Variants in GAK observed in about 807,000 individuals in gnomAD.
GAK encodes cyclin-G-associated kinase.
A neutral mutation model predicts 143.9 loss-of-function variants in GAK; 79 were observed. That is an observed-to-expected ratio of 0.55 (90% CI 0.46 to 0.66). GAK has a LOEUF of 0.66. Ranked by LOEUF, GAK falls within the 30% of genes least tolerant of loss-of-function variation. The pLI is 0.00. For synonymous variants in GAK, 881 were observed against 765.5 expected (o/e 1.15, Z -2.49); for missense variants, 1,693 against 1,779.7 (o/e 0.95, Z 0.88).
intron 23 of GAK, among the ~76,000 whole-genome samples, chr4:861,584 G>A (rs1750284440): frequency 6.6e-6 from 1 of 152,086 alleles, no homozygotes; most frequent in Non-Finnish European, 1.5e-5. Flanking sequence ...GCAAGACCCT[G>A]TCTCTAAAAA....
At position 881,927 on chromosome 4, in the gene GAK, G is replaced by A. The variant is rs1377870694; in HGVS notation, c.1641C>T (p.Gly547=). 2 of 1,591,796 alleles carry A rather than the reference G, an allele frequency of 1.3e-6. No individual in the cohort carries two copies. ...AGTACCTTTTGTGGGATGGCCAGAT[G>A]CCTGGTGGGCAGCGCTTCATGCTGA... ...YMFSMKRCPP[G]IWPSHKRYIE... Residue 547 remains glycine, a synonymous_variant, in exon 15 of 28, where the codon GGC becomes GGT. Coordinates refer to ENST00000314167, the MANE Select transcript of GAK (RefSeq NM_005255.4).
At position 893,871 on chromosome 4, in the gene GAK, T is replaced by TA; in HGVS notation, c.877+2dup. 1 of 1,580,988 alleles carries TA rather than the reference T, an allele frequency of 6.3e-7. No homozygotes were observed. The highest frequency in any genetic ancestry group is 8.6e-7 in the Non-Finnish European group (1 of 1,160,850). ...CCCACGCACGCATTCCACCGGGACT[T>TA]ACGGATGAGGCTGTGGAAGACCGTG... On this transcript the variant is annotated splice_region_variant and intron_variant, in intron 8 of 27. Transcript: ENST00000314167.
In GAK at chr4:931,389, C is replaced by T. The variant is rs112511690; in HGVS notation, c.145+654G>A. Among the ~76,000 whole-genome samples the T allele has an allele frequency of 1.0e-3, 155 of 152,184 alleles. 1 individual carries two copies. Among genetic ancestry groups the T allele is most frequent in the African/African-American group, 3.5e-3 (146 of 41,508 alleles). ...GGTGTTGAAAGACGAAGGGGGATCACGAGACACAGCCCAGTCTACCCTCGG... is the reference window on the plus strand; with the variant it reads ...GGTGTTGAAAGACGAAGGGGGATCATGAGACACAGCCCAGTCTACCCTCGG... On this transcript the variant is annotated intron_variant, in intron 1 of 27. Coordinates refer to ENST00000314167, the MANE Select transcript of GAK (RefSeq NM_005255.4).
At chr4:900,868 G>A (rs1005317637) in intron 5 of GAK, among the ~76,000 whole-genome samples, 16 of 152,096 alleles carry the variant, frequency 1.1e-4, no homozygotes, top group African/African-American at 3.6e-4. Context: ...AGGGCCTGGG[G>A]CATGGCTCAG....
chr4:868,710 G>A (rs1203491658), intron 19 of GAK, 25 bp from the exon 20 acceptor site: 1 of 1,542,968 alleles, frequency 6.5e-7, no homozygotes, highest in East Asian at 2.4e-5. Context: ...GGGCGTCAGG[G>A]CACTGGCACT....
chr4:900,909 C>T (rs1400365661), intron 5 of GAK, among the ~76,000 whole-genome samples: 6 of 151,910 alleles, frequency 3.9e-5, no homozygotes, highest in African/African-American at 1.2e-4. Flanking sequence ...GCCATGGGAG[C>T]GAAAGGGCCT....
rs75160334 is a variant in GAK at position 921,687 on chromosome 4, GT to G, written c.146-8020del. Among the ~76,000 whole-genome samples, 360 of 143,720 alleles carry G rather than the reference GT, an allele frequency of 2.5e-3. 12 individuals are homozygous for G. The South Asian group carries it at 0.063, about 25-fold the overall frequency. The allele number at this position is 143,720 out of a possible 152,430, so 94.3% of individuals were successfully genotyped here. A position where few individuals can be genotyped will look rare whatever the true frequency, so the allele number is the denominator to read the frequency against. On this transcript the variant is annotated intron_variant, in intron 1 of 27. Transcript: ENST00000314167. The stretch of plus-strand genomic sequence containing the variant: ...ATCTGCAACAGACCCCGCTTTGTTT[GT>G]TTTTTTTTTTTAATTAACTGGTCTG...
intron 13 of GAK, among the ~76,000 whole-genome samples, chr4:883,064 C>T (rs1462514960): frequency 2.0e-5 from 3 of 152,228 alleles, no homozygotes; most frequent in African/African-American, 4.8e-5. Context: ...AGGAATGCCT[C>T]GGCCTCGAGC....
intron 1 of GAK, among the ~76,000 whole-genome samples, chr4:916,996 A>G (rs544703205): frequency 6.6e-6 from 1 of 152,368 alleles, no homozygotes; most frequent in South Asian, 2.1e-4. Flanking sequence ...TAGCAATAAA[A>G]AGGAGGAAAC....
chr4:867,313 C>A lies in GAK; in HGVS notation c.2515G>T (p.Glu839Ter). ...GGGTCGGCCCTGGGTTCCTGGCCCT[C>A]GCTGGAGATCGGGGATCCCCCTTCA... Reference protein sequence around the residue: ...SDEGGSPISSEGQEPRADPEP... With the variant: ...SDEGGSPISS The change falls in exon 21 of 28, where the codon GAG becomes TAG. Residue 839 changes from glutamate (E) to a stop codon, truncating the protein, a stop_gained. Transcript: ENST00000314167. LOFTEE classifies it high-confidence loss of function. 6.2e-7 allele frequency: 1 copy of A among 1,611,242 alleles called. No homozygotes were observed. Among genetic ancestry groups the A allele is most frequent in the Non-Finnish European group, 8.5e-7 (1 of 1,178,506 alleles).
At chr4:925,072 G>A (rs1560447524) in intron 1 of GAK, among the ~76,000 whole-genome samples, 1 of 152,098 alleles carries the variant, frequency 6.6e-6, no homozygotes, top group Non-Finnish European at 1.5e-5. Flanking sequence ...AAAAAAATAA[G>A]AATAAAAAAA....
chr4:898,279 C>A, intron 5 of GAK, 121 bp from the exon 6 acceptor site: 1 of 1,174,738 alleles, frequency 8.5e-7, no homozygotes, highest in Admixed American at 2.2e-5. Flanking sequence ...CCCAGGGCCA[C>A]GGCTGCCGGG....
At chr4:921,228 C>G (rs1446575800) in intron 1 of GAK, among the ~76,000 whole-genome samples, 1 of 152,078 alleles carries the variant, frequency 6.6e-6, no homozygotes, top group Non-Finnish European at 1.5e-5. Flanking sequence ...TCAGTCTCCC[C>G]AGTAGCTGGG....
intron 11 of GAK, 63 bp downstream of exon 11, chr4:888,784 G>T: frequency 6.5e-7 from 1 of 1,548,662 alleles, no homozygotes; most frequent in Non-Finnish European, 8.7e-7. Context: ...AGGAAGCAAG[G>T]GCCGGGGCTG....
chr4:859,574 C>T (rs1443160616), intron 24 of GAK, 32 bp downstream of exon 24: 2 of 1,587,294 alleles, frequency 1.3e-6, no homozygotes, highest in Middle Eastern at 1.7e-4. Context: ...AAGGAAACAG[C>T]TTCCACACCC....
chr4:865,664 C>T (rs994550223), intron 22 of GAK, among the ~76,000 whole-genome samples: 2 of 152,236 alleles, frequency 1.3e-5, no homozygotes, highest in African/African-American at 4.8e-5. Flanking sequence ...CTGGCTCTGG[C>T]CACGCAGCAC....
chr4:873,394 C>G (rs1189300362), intron 18 of GAK, among the ~76,000 whole-genome samples: 1 of 152,140 alleles, frequency 6.6e-6, no homozygotes, highest in Non-Finnish European at 1.5e-5. Flanking sequence ...GCTGTATGAC[C>G]CAACGTGGAG....
rs555724563 is a variant in GAK at position 911,906 on chromosome 4, A to G, written c.268-119T>C. On this transcript the variant is annotated intron_variant, in intron 3 of 27. Transcript: ENST00000314167. ...CAGAATACTTGAATCGAACCCTTACAATTTTAGACGTCAGAGCGGAAGATG... is the reference window on the plus strand; with the variant it reads ...CAGAATACTTGAATCGAACCCTTACGATTTTAGACGTCAGAGCGGAAGATG... 25 of 761,996 alleles carry G rather than the reference A, an allele frequency of 3.3e-5. No individual in the cohort carries two copies. In the East Asian group the frequency reaches 6.9e-4, roughly 21 times the overall value. The allele number at this position is 761,996 out of a possible 1,614,324, so 47.2% of individuals were successfully genotyped here. A position where few individuals can be genotyped will look rare whatever the true frequency, so the allele number is the denominator to read the frequency against.
intron 9 of GAK, 33 bp from the exon 10 acceptor site, chr4:890,655 T>G: frequency 6.4e-7 from 1 of 1,565,570 alleles, no homozygotes; most frequent in South Asian, 1.1e-5. Context: ...GTCAGTTCTC[T>G]AAACTGACAA....
Sources: gnomAD v4.1 joint callset for allele counts (sites outside exome capture counted in the v4.1 genomes callset) on GRCh38, gnomAD v4.1.1 for gene constraint, MANE v1.5 for transcripts, NCBI Gene and HGNC (gene_info 2026-07-23, HGNC 2026-07-21) for gene names.